Variants in UACA observed in about 807,000 individuals in gnomAD.
UACA encodes nuclear membrane binding protein.
UACA carries 112 observed loss-of-function variants against 160.5 expected under a neutral mutation model. The ratio of observed to expected loss-of-function variants is 0.70; its 90% CI spans 0.60 to 0.82. The LOEUF (loss-of-function observed/expected upper bound fraction) is 0.82, where lower values mean the gene tolerates loss of function less well. UACA is among the 40% of genes least tolerant of loss of function. The pLI is 0.00. For synonymous variants in UACA, 557 were observed against 568.4 expected (o/e 0.98, Z 0.29); for missense variants, 1,574 against 1,614.6 (o/e 0.97, Z 0.43).
chr15:70,773,926 C>T, the UACA span, among the ~76,000 whole-genome samples: 1 of 152,180 alleles, frequency 6.6e-6, no homozygotes, highest in Admixed American at 6.5e-5. Flanking sequence ...TTAGCTTGTA[C>T]AGGGACTGCC....
rs771310964 is a variant in UACA at position 70,669,403 on chromosome 15, T to C, written c.1281A>G (p.Glu427=). Residue 427 remains glutamate (E), a synonymous_variant, in exon 16 of 19, where the codon GAA becomes GAG. Coordinates refer to ENST00000322954, the MANE Select transcript of UACA (RefSeq NM_018003.4). Reference sequence around the variant, plus strand: ...ATGACGTTTGACTGGGTAAAGATAGTTCCAGAGGTCTTAACATAGATCTGC... The same window carrying C: ...ATGACGTTTGACTGGGTAAAGATAGCTCCAGAGGTCTTAACATAGATCTGC... ...MQSRSMLRPL[E]LSLPSQTSYS... is the part of the protein sequence containing the mutation. 1 of 1,613,604 alleles carries C rather than the reference T, an allele frequency of 6.2e-7. No individual in the cohort carries two copies. The highest frequency in any genetic ancestry group is 8.5e-7 in the Non-Finnish European group (1 of 1,179,828).
At chr15:70,769,097 A>G in the UACA span, among the ~76,000 whole-genome samples, 27,470 of 151,852 alleles carry the variant, frequency 0.18, 3,780 homozygotes, top group African/African-American at 0.39. Flanking sequence ...GGTGGCTCAC[A>G]CCTGTAATCC....
chr15:70,694,096 T>A (rs183102771), intron 3 of UACA, among the ~76,000 whole-genome samples: 9 of 152,200 alleles, frequency 5.9e-5, no homozygotes, highest in Admixed American at 3.3e-4. Context: ...CTGTAAAAAC[T>A]AACAAACAAA....
rs1157387308 is a variant in UACA, at chr15:70,679,744, T to C, written c.823-68A>G. 8 of 932,430 alleles carry C rather than the reference T, an allele frequency of 8.6e-6. No individual in the cohort carries two copies. The Admixed American group carries it at 8.7e-5, about 10-fold the overall frequency. 57.8% of individuals were successfully genotyped at this position (932,430 alleles called of 1,614,324 possible). Reference sequence around the variant, plus strand: ...ATACAGAAAAGTATATTTTCCTCAATTGGCAATACACCCAGTTAGTGATTT... The same window carrying C: ...ATACAGAAAAGTATATTTTCCTCAACTGGCAATACACCCAGTTAGTGATTT... On this transcript the variant is annotated intron_variant, in intron 9 of 18. Transcript: ENST00000322954.
At chr15:70,672,174 T>TA (rs911474444) in intron 13 of UACA, among the ~76,000 whole-genome samples, 173 bp from the exon 14 acceptor site, 1 of 152,018 alleles carries the variant, frequency 6.6e-6, no homozygotes, top group Non-Finnish European at 1.5e-5. Context: ...TAGCAACACT[T>TA]AGAGAGATCA....
chr15:70,672,353 A>G (rs1315343576), intron 13 of UACA, among the ~76,000 whole-genome samples: 5 of 152,330 alleles, frequency 3.3e-5, no homozygotes, highest in East Asian at 3.9e-4. Flanking sequence ...AAGTGGCCAC[A>G]TTCATGTCAA....
At chr15:70,773,768 A>G in the UACA span, among the ~76,000 whole-genome samples, 3 of 152,232 alleles carry the variant, frequency 2.0e-5, no homozygotes, top group African/African-American at 7.2e-5. Context: ...AGGACAGATA[A>G]GAAGATATGA....
intron 1 of UACA, among the ~76,000 whole-genome samples, chr15:70,757,847 C>T (rs1326991328): frequency 6.6e-6 from 1 of 152,186 alleles, no homozygotes; most frequent in African/African-American, 2.4e-5. Flanking sequence ...TAATCTTTGA[C>T]AGCCTCTTTA....
At chr15:70,739,358 A>G (rs1009418774) in intron 1 of UACA, among the ~76,000 whole-genome samples, 2 of 152,132 alleles carry the variant, frequency 1.3e-5, no homozygotes, top group Non-Finnish European at 2.9e-5. Context: ...ACTAGATACT[A>G]GCAATACTCC....
intron 1 of UACA, among the ~76,000 whole-genome samples, chr15:70,735,301 A>C (rs371218595): frequency 1.3e-5 from 2 of 151,792 alleles, no homozygotes. Context: ...GCAACACACA[A>C]TACACCCAAG....
chr15:70,728,210 A>G (rs1244203129), intron 1 of UACA, among the ~76,000 whole-genome samples: 4 of 152,222 alleles, frequency 2.6e-5, no homozygotes, highest in Non-Finnish European at 5.9e-5. Flanking sequence ...ACCTTTCACC[A>G]TATACAAAAA....
intron 7 of UACA, among the ~76,000 whole-genome samples, 157 bp from the exon 8 acceptor site, chr15:70,684,603 A>C (rs887714276): frequency 2.0e-5 from 3 of 152,064 alleles, no homozygotes; most frequent in Non-Finnish European, 4.4e-5. Flanking sequence ...CTATAATGTA[A>C]GTAAGCAAAT....
intron 1 of UACA, among the ~76,000 whole-genome samples, chr15:70,756,501 T>G (rs1478196182): frequency 2.6e-5 from 4 of 152,002 alleles, no homozygotes; most frequent in African/African-American, 9.7e-5. Flanking sequence ...CTATTGCAAC[T>G]ATACCCCCAA....
intron 1 of UACA, among the ~76,000 whole-genome samples, chr15:70,716,067 A>G (rs1442402785): frequency 6.6e-6 from 1 of 152,208 alleles, no homozygotes; most frequent in African/African-American, 2.4e-5. Flanking sequence ...TCAAGAAATG[A>G]CATTTATTTC....
In UACA at chr15:70,695,082, C is replaced by G. The variant is rs1186379110; in HGVS notation, c.236G>C (p.Gly79Ala). ...RSVFHVVTSKGNLECLNAILI... is the reference protein window; with the variant it reads ...RSVFHVVTSKANLECLNAILI... Reference sequence around the variant, plus strand: ...GATGGCATTCAAACACTCAAGATTCCCCTTTGAGGTCACAACATGGAAGCT... The same window carrying G: ...GATGGCATTCAAACACTCAAGATTCGCCTTTGAGGTCACAACATGGAAGCT... The change falls in exon 3 of 19, where the codon GGG (glycine) becomes GCG (alanine). Residue 79 changes from glycine (G) to alanine (A), a missense_variant. By Grantham distance (60) the Gly-to-Ala change is moderately conservative (BLOSUM62 0). Coordinates refer to ENST00000322954, the MANE Select transcript of UACA (RefSeq NM_018003.4). The G allele has an allele frequency of 1.2e-6, 2 of 1,607,984 alleles. No homozygotes were observed. Among genetic ancestry groups the G allele is most frequent in the Non-Finnish European group, 1.7e-6 (2 of 1,177,104 alleles).
intron 9 of UACA, chr15:70,679,926 G>A (rs1488510408): frequency 1.0e-5 from 2 of 195,534 alleles, no homozygotes; most frequent in Admixed American, 6.0e-5. Context: ...TATTATTAAG[G>A]ATTTATTTTA....
chr15:70,748,407 G>C (rs1899776774), intron 1 of UACA, among the ~76,000 whole-genome samples: 1 of 152,154 alleles, frequency 6.6e-6, no homozygotes, highest in Non-Finnish European at 1.5e-5. Flanking sequence ...CAGTTCCAGA[G>C]TGTTCTGCAT....
the UACA span, among the ~76,000 whole-genome samples, chr15:70,776,482 C>T: frequency 2.0e-5 from 3 of 147,010 alleles, no homozygotes; most frequent in Non-Finnish European, 3.0e-5. Flanking sequence ...GGCTGGAGTG[C>T]AGTGGCGTGA....
rs1896486527 is a variant in UACA, at chr15:70,656,818, G to A, written c.*238C>T. 2.6e-6 allele frequency: 1 copy of A among 391,674 alleles called. No individual in the cohort carries two copies. The highest frequency in any genetic ancestry group is 2.0e-5 in the African/African-American group (1 of 49,046). The allele number at this position is 391,674 out of a possible 1,614,324, so 24.3% of individuals were successfully genotyped here. On this transcript the variant is annotated 3_prime_UTR_variant, in exon 19 of 19. Transcript: ENST00000322954. ...GGTTTAAAAATATGTAGTCAATCCA[G>A]GGCAAAGTTATGTTGTTTGCCTATT...
Sources: gnomAD v4.1 joint callset for allele counts (sites outside exome capture counted in the v4.1 genomes callset) on GRCh38, gnomAD v4.1.1 for gene constraint, MANE v1.5 for transcripts, NCBI Gene and HGNC (gene_info 2026-07-23, HGNC 2026-07-21) for gene names.